The following CTNNB1 variants were observed in gnomAD, a reference collection of about 807,000 sequenced individuals.
CTNNB1 encodes catenin beta 1.
A neutral mutation model predicts 82.5 loss-of-function variants in CTNNB1; 6 were observed. That is an observed-to-expected ratio of 0.07 (90% CI 0.04 to 0.14). The LOEUF is 0.14. CTNNB1 is among the 10% of genes least tolerant of loss of function. The probability of loss-of-function intolerance (pLI) is 1.00; values close to 1 mark genes in which losing one functional copy is unlikely to be tolerated. For synonymous variants in CTNNB1, 312 were observed against 329.7 expected (o/e 0.95, Z 0.58); for missense variants, 529 against 980.4 (o/e 0.54, Z 6.15).
chr3:41,217,709 T>G (rs2077947706), intron 1 of CTNNB1, among the ~76,000 whole-genome samples: 1 of 152,224 alleles, frequency 6.6e-6, no homozygotes, highest in African/African-American at 2.4e-5. Context: ...GCAGTAGATA[T>G]TATCAATCTT....
At chr3:41,233,500 G>C (rs775965148) in intron 8 of CTNNB1, 29 bp from the exon 9 acceptor site, 11 of 1,613,126 alleles carry the variant, frequency 6.8e-6, no homozygotes, top group Non-Finnish European at 9.3e-6. Flanking sequence ...GTATGTGCTT[G>C]TACTGACCAT....
In CTNNB1 at chr3:41,239,682, G is replaced by GTGAT; in HGVS notation, c.*343_*346dup. 2.3e-6 allele frequency: 1 copy of GTGAT among 432,064 alleles called. No individual in the cohort carries two copies. The highest frequency in any genetic ancestry group is 4.3e-6 in the Non-Finnish European group (1 of 231,874). 26.8% of individuals were successfully genotyped at this position (432,064 alleles called of 1,614,324 possible). On this transcript the variant is annotated 3_prime_UTR_variant, in exon 15 of 15. Coordinates refer to ENST00000349496, the MANE Select transcript of CTNNB1 (RefSeq NM_001904.4). ...CAGCTGTATTGTCTGAACTTGCATT[G>GTGAT]TGATTGGCCTGTAGAGTTGCTGAGA...
In CTNNB1 at chr3:41,233,079, G is replaced by C. The variant is rs184578994; in HGVS notation, c.1082-262G>C. 1.6e-3 allele frequency: 918 copies of C among 564,728 alleles called. 4 individuals carry two copies. Among genetic ancestry groups the C allele is most frequent in the Non-Finnish European group, 2.5e-3 (802 of 316,768 alleles). 35.0% of individuals were successfully genotyped at this position (564,728 alleles called of 1,614,324 possible). ...ATGAGTAATAAGAATATTACCTAAG[G>C]GGGACAGTGGAGATAACAAAGGCTT... On this transcript the variant is annotated intron_variant, in intron 7 of 14. Coordinates refer to ENST00000349496, the MANE Select transcript of CTNNB1 (RefSeq NM_001904.4).
Position 41,225,433 on chromosome 3 carries a change from G to A in CTNNB1, c.595G>A (p.Val199Ile), listed in dbSNP as rs1361277045. The A allele has an allele frequency of 3.7e-6, 6 of 1,613,862 alleles. No individual in the cohort carries two copies. Among genetic ancestry groups the A allele is most frequent in the Non-Finnish European group, 1.7e-6 (2 of 1,179,938 alleles). ...MRSPQMVSAI[V>I]RTMQNTNDVE... ...TTCTCCTCAGATGGTGTCTGCTATT[G>A]TACGTACCATGCAGAATACAAATGA... Residue 199 changes from valine to isoleucine, a missense_variant, in exon 5 of 15, where the codon GTA (valine) becomes ATA (isoleucine). By Grantham distance (29) the Val-to-Ile change is conservative (BLOSUM62 3). This residue lies in a region of CTNNB1 where 411 missense variants were observed against 776.4 expected (regional missense o/e 0.53). Coordinates refer to ENST00000349496, the MANE Select transcript of CTNNB1 (RefSeq NM_001904.4). The surrounding 1 kb of genome is among the most constrained non-coding windows in gnomAD (Gnocchi z 5.3).
chr3:41,223,974 A>G (rs2078112105), intron 1 of CTNNB1, 47 bp from the exon 2 acceptor site: 2 of 1,347,966 alleles, frequency 1.5e-6, no homozygotes, highest in Non-Finnish European at 2.1e-6. Context: ...AGGAGTATTA[A>G]TCAAGCTAAA....
chr3:41,225,489 C>G lies in CTNNB1; in HGVS notation c.651C>G (p.Thr217=), dbSNP rs1394286400. ...AAACAGCTCGTTGTACCGCTGGGACCTTGCATAACCTTTCCCATCATCGTG... is the reference window on the plus strand; with the variant it reads ...AAACAGCTCGTTGTACCGCTGGGACGTTGCATAACCTTTCCCATCATCGTG... ...DVETARCTAG[T]LHNLSHHREG... The change falls in exon 5 of 15, where the codon ACC becomes ACG. Residue 217 remains threonine, a synonymous_variant. Transcript: ENST00000349496. This position sits in a 1 kb window ranked among gnomAD's most constrained non-coding sequence, Gnocchi z 5.3. The G allele has an allele frequency of 1.2e-6, 2 of 1,614,010 alleles. No homozygotes were observed. The highest frequency in any genetic ancestry group is 1.7e-6 in the Non-Finnish European group (2 of 1,179,986).
chr3:41,236,170 T>C, intron 11 of CTNNB1, 179 bp from the exon 12 acceptor site: 3 of 845,008 alleles, frequency 3.6e-6, no homozygotes, highest in East Asian at 2.4e-5. Context: ...CTAAAAAATA[T>C]TATGGAAATC....
At chr3:41,236,213 TA>T in intron 11 of CTNNB1, 135 bp from the exon 12 acceptor site, 1 of 1,105,202 alleles carries the variant, frequency 9.0e-7, no homozygotes, top group Non-Finnish European at 1.4e-6. Context: ...CCCCAAGACA[TA>T]AAATTCAGAG....
Position 41,224,667 on chromosome 3 carries a change from C to T in CTNNB1, c.155C>T (p.Pro52Leu), listed in dbSNP as rs1031199273. 4 of 1,613,818 alleles carry T rather than the reference C, an allele frequency of 2.5e-6. No individual in the cohort carries two copies. Among genetic ancestry groups the T allele is most frequent in the Non-Finnish European group, 3.4e-6 (4 of 1,179,970 alleles). Residue 52 changes from proline (P) to leucine (L), a missense_variant, in exon 3 of 15, where the codon CCT becomes CTT. Coordinates refer to ENST00000349496, the MANE Select transcript of CTNNB1 (RefSeq NM_001904.4). ...CCTTCTCTGAGTGGTAAAGGCAATC[C>T]TGAGGAAGAGGATGTGGATACCTCC... ...TAPSLSGKGN[P>L]EEEDVDTSQV...
At position 41,223,472 on chromosome 3, in the gene CTNNB1, T is replaced by G. The variant is rs935055367; in HGVS notation, c.-48-549T>G. Among the ~76,000 whole-genome samples the G allele has an allele frequency of 4.9e-4, 75 of 152,300 alleles. 1 individual carries two copies. The highest frequency in any genetic ancestry group is 1.7e-3 in the African/African-American group (72 of 41,582). ...TTGCAAACTTTCATTTGAAAAGTAA[T>G]TTTTCTTTGTACCAAAAAATCTAAA... On this transcript the variant is annotated intron_variant, in intron 1 of 14. Coordinates refer to ENST00000349496, the MANE Select transcript of CTNNB1 (RefSeq NM_001904.4).
At chr3:41,220,851 G>C (rs957230675) in intron 1 of CTNNB1, 1 of 152,088 alleles carries the variant, frequency 6.6e-6, no homozygotes, top group Non-Finnish European at 1.5e-5. Context: ...TGAAAACTAA[G>C]GTAATTAAGA....
intron 7 of CTNNB1, among the ~76,000 whole-genome samples, chr3:41,230,762 G>A (rs924115602): frequency 6.6e-6 from 1 of 152,160 alleles, no homozygotes. Context: ...AGGGTTAAAC[G>A]TTTTCCAGGT....
At chr3:41,212,334 T>C (rs963544221) in intron 1 of CTNNB1, among the ~76,000 whole-genome samples, 1 of 152,178 alleles carries the variant, frequency 6.6e-6, no homozygotes, top group African/African-American at 2.4e-5. Flanking sequence ...ACCTTTTTTT[T>C]CCCCTCCACT....
chr3:41,229,904 G>A (rs537728245), intron 7 of CTNNB1, among the ~76,000 whole-genome samples: 1 of 151,866 alleles, frequency 6.6e-6, no homozygotes, highest in Admixed American at 6.6e-5. Flanking sequence ...GTGTGTGTGT[G>A]TGTCATGAAA....
rs2125627906 is a variant in CTNNB1 at position 41,227,279 on chromosome 3, A to G, written c.1008A>G (p.Leu336=). The stretch of plus-strand genomic sequence containing the variant: ...TGAGGACCTATACTTACGAAAAACT[A>G]CTGTGGACCACAAGCAGAGTGCTGA... ...NIMRTYTYEK[L]LWTTSRVLKV... Residue 336 remains leucine (L), a synonymous_variant, in exon 7 of 15, where the codon CTA becomes CTG. Transcript: ENST00000349496. 5 of 1,613,780 alleles carry G rather than the reference A, an allele frequency of 3.1e-6. No homozygotes were observed. The South Asian group carries it at 3.3e-5, about 11-fold the overall frequency.
At chr3:41,220,378 A>ACACGCC (rs1264850014) in intron 1 of CTNNB1, among the ~76,000 whole-genome samples, 1 of 145,760 alleles carries the variant, frequency 6.9e-6, no homozygotes, top group African/African-American at 2.7e-5. Context: ...TTGAGAACAC[A>ACACGCC]CACACCCACA....
At chr3:41,218,596 AC>A (rs2125606932) in intron 1 of CTNNB1, among the ~76,000 whole-genome samples, 1 of 152,352 alleles carries the variant, frequency 6.6e-6, no homozygotes, top group Non-Finnish European at 1.5e-5. Context: ...TATAAAATCC[AC>A]ATAAAATGGG....
chr3:41,224,747 G>A lies in CTNNB1; in HGVS notation c.235G>A (p.Val79Ile), dbSNP rs1269197442. The A allele has an allele frequency of 1.2e-6, 2 of 1,613,600 alleles. No homozygotes were observed. Among genetic ancestry groups the A allele is most frequent in the Non-Finnish European group, 1.7e-6 (2 of 1,179,652 alleles). Reference protein sequence around the residue: ...GFSQSFTQEQVADIDGQYAMT... With the variant: ...GFSQSFTQEQIADIDGQYAMT... Reference sequence around the variant, plus strand: ...TTCTCAGTCCTTCACTCAAGAACAAGTAGCTGGTAAGAGTATTATTTTTCA... The same window carrying A: ...TTCTCAGTCCTTCACTCAAGAACAAATAGCTGGTAAGAGTATTATTTTTCA... The change falls in exon 3 of 15, where the codon GTA (valine) becomes ATA (isoleucine). Residue 79 changes from valine (V) to isoleucine (I), a missense_variant. Physicochemically the swap from Val to Ile is conservative, Grantham distance 29. Around this residue, in one of 4 missense-constraint regions of CTNNB1, gnomAD observed 411 missense variants for 776.4 expected, o/e 0.53. Coordinates refer to ENST00000349496, the MANE Select transcript of CTNNB1 (RefSeq NM_001904.4).
intron 1 of CTNNB1, among the ~76,000 whole-genome samples, chr3:41,210,422 C>T (rs2077752689): frequency 6.6e-6 from 1 of 152,296 alleles, no homozygotes; most frequent in South Asian, 2.1e-4. Context: ...CCACTGCACT[C>T]CAGTCTGGGC....
Sources: allele counts gnomAD v4.1 joint callset (sites outside exome capture counted in the v4.1 genomes callset), GRCh38; gene constraint gnomAD v4.1.1; regional missense constraint gnomAD v4.1.1; non-coding constraint Gnocchi (gnomAD v3.1); transcripts MANE v1.5; gene names NCBI Gene and HGNC (gene_info 2026-07-23, HGNC 2026-07-21).